The following ZNF804A variants were observed in gnomAD, a reference collection of about 807,000 sequenced individuals.
The protein encoded by ZNF804A is zinc finger protein 804A.
In ZNF804A, 2 loss-of-function variants were observed where a neutral mutation model predicts 16.5. That is an observed-to-expected ratio of 0.12 (90% confidence interval 0.05 to 0.38). The LOEUF (loss-of-function observed/expected upper bound fraction) is 0.38, where lower values mean the gene tolerates loss of function less well. ZNF804A is among the 10% of genes least tolerant of loss of function. ZNF804A has a pLI of 0.99. For synonymous variants in ZNF804A, 534 were observed against 489.6 expected, an observed-to-expected ratio of 1.09 and a Z score of -1.20; for missense variants, 1,473 against 1,390.7, an observed-to-expected ratio of 1.06 and a Z score of -0.94.
intron 1 of ZNF804A, among the ~76,000 whole-genome samples, chr2:184,741,190 T>G (rs948022046): frequency 1.3e-5 from 2 of 152,178 alleles, no homozygotes; most frequent in African/African-American, 4.8e-5. Context: ...AAAGCAGGTA[T>G]ACTGACAGCT....
chr2:184,779,416 C>G (rs1694340660), intron 1 of ZNF804A, among the ~76,000 whole-genome samples: 1 of 151,742 alleles, frequency 6.6e-6, no homozygotes, highest in African/African-American at 2.4e-5. Flanking sequence ...GGGAAAATGT[C>G]ACCCTATGAT....
chr2:184,797,023 T>G (rs1283649576), intron 1 of ZNF804A, among the ~76,000 whole-genome samples: 1 of 152,164 alleles, frequency 6.6e-6, no homozygotes, highest in East Asian at 1.9e-4. Flanking sequence ...TTTAATTTAT[T>G]GAGGCTTGTT....
chr2:184,882,847 T>C (rs937614615), intron 2 of ZNF804A, among the ~76,000 whole-genome samples: 4 of 151,978 alleles, frequency 2.6e-5, no homozygotes, highest in Non-Finnish European at 4.4e-5. Flanking sequence ...AGATCTCAAA[T>C]TAGCAACCTA....
chr2:184,772,909 CA>C (rs1200089838), intron 1 of ZNF804A, among the ~76,000 whole-genome samples: 1 of 149,056 alleles, frequency 6.7e-6, no homozygotes, highest in East Asian at 2.0e-4. Flanking sequence ...TACATACACA[CA>C]CACACACACA....
chr2:184,680,355 T>C (rs1692519279), intron 1 of ZNF804A, among the ~76,000 whole-genome samples: 1 of 151,818 alleles, frequency 6.6e-6, no homozygotes, highest in South Asian at 2.1e-4. Context: ...TGAACAGATG[T>C]CGGGAGGTCT....
intron 1 of ZNF804A, among the ~76,000 whole-genome samples, chr2:184,851,330 C>G (rs1320056252): frequency 6.6e-6 from 1 of 151,762 alleles, no homozygotes; most frequent in Non-Finnish European, 1.5e-5. Context: ...ACGAACATCT[C>G]TCCATACCCT....
chr2:184,802,148 G>A (rs1478869744), intron 1 of ZNF804A, among the ~76,000 whole-genome samples: 1 of 152,132 alleles, frequency 6.6e-6, no homozygotes, highest in African/African-American at 2.4e-5. Context: ...AGAATCCTGT[G>A]ATTAAATCTT....
intron 1 of ZNF804A, among the ~76,000 whole-genome samples, chr2:184,857,837 A>C (rs1257295421): frequency 6.6e-6 from 1 of 151,966 alleles, no homozygotes; most frequent in African/African-American, 2.4e-5. Context: ...TTCAGCCTCT[A>C]TGTGTCTTTA....
chr2:184,797,204 G>T (rs1410100084), intron 1 of ZNF804A, among the ~76,000 whole-genome samples: 2 of 152,110 alleles, frequency 1.3e-5, no homozygotes, highest in Admixed American at 6.6e-5. Context: ...TTCATGACCT[G>T]CCTAGTGCCA....
intron 1 of ZNF804A, among the ~76,000 whole-genome samples, chr2:184,861,753 C>T (rs1273123684): frequency 6.6e-6 from 1 of 152,148 alleles, no homozygotes; most frequent in Non-Finnish European, 1.5e-5. Flanking sequence ...CTTCAAAGTT[C>T]TACTTTGGTG....
intron 1 of ZNF804A, among the ~76,000 whole-genome samples, chr2:184,658,161 A>G (rs766536625): frequency 1.6e-4 from 25 of 152,196 alleles, no homozygotes; most frequent in Non-Finnish European, 2.6e-4. Context: ...TAGTAAGAAT[A>G]ATGAAAGTAC....
At chr2:184,757,847 G>C (rs1342540500) in intron 1 of ZNF804A, among the ~76,000 whole-genome samples, 1 of 152,108 alleles carries the variant, frequency 6.6e-6, no homozygotes, top group Admixed American at 6.6e-5. Context: ...GAAAGACTTA[G>C]CTGATCCCTC....
intron 2 of ZNF804A, among the ~76,000 whole-genome samples, chr2:184,877,114 T>A (rs1318699781): frequency 6.6e-6 from 1 of 152,132 alleles, no homozygotes; most frequent in African/African-American, 2.4e-5. Flanking sequence ...ATTTTTCTTA[T>A]AGTTTACATG....
intron 1 of ZNF804A, among the ~76,000 whole-genome samples, chr2:184,751,216 T>A (rs183393216): frequency 4.3e-4 from 65 of 151,626 alleles, no homozygotes; most frequent in Non-Finnish European, 8.4e-4. Context: ...CTGGTTCATA[T>A]GGTTGTTCTA....
At chr2:184,629,121 G>A (rs1217228788) in intron 1 of ZNF804A, among the ~76,000 whole-genome samples, 7 of 152,028 alleles carry the variant, frequency 4.6e-5, no homozygotes, top group Admixed American at 4.6e-4. Context: ...TGAATTCCAT[G>A]TCTTGTTCTT....
intron 1 of ZNF804A, among the ~76,000 whole-genome samples, chr2:184,695,465 T>TTAAAA (rs1188268647): frequency 7.7e-5 from 4 of 51,854 alleles, no homozygotes; most frequent in African/African-American, 3.8e-4. Flanking sequence ...ACTCCGTCAT[T>TTAAAA]AAAAAAAAAA....
At chr2:184,896,794 G>A (rs7608238) in intron 2 of ZNF804A, among the ~76,000 whole-genome samples, 1,547 of 144,262 alleles carry the variant, frequency 0.011, 24 homozygotes, top group African/African-American at 0.036. Context: ...TAGATACATC[G>A]AAATTCAACA....
chr2:184,679,298 G>A (rs941027883), intron 1 of ZNF804A, among the ~76,000 whole-genome samples: 1 of 152,216 alleles, frequency 6.6e-6, no homozygotes, highest in East Asian at 1.9e-4. Flanking sequence ...AATAGACAAG[G>A]TAGATGGGTC....
In ZNF804A at chr2:184,607,936, C is replaced by CTTTTTTTTTTTT. The variant is rs34262998; in HGVS notation, c.111+8882_111+8893dup. Among the ~76,000 whole-genome samples, 5 of 65,654 alleles carry CTTTTTTTTTTTT rather than the reference C, an allele frequency of 7.6e-5. 2 individuals are homozygous for CTTTTTTTTTTTT. The highest frequency in any genetic ancestry group is 9.7e-4 in the East Asian group (2 of 2,066). 43.1% of individuals were successfully genotyped at this position (65,654 alleles called of 152,430 possible). On this transcript the variant is annotated intron_variant, in intron 1 of 3. Coordinates refer to ENST00000302277, the MANE Select transcript of ZNF804A (RefSeq NM_194250.2). ...CACCATGGAGAACCTTGATGCATCT[C>CTTTTTTTTTTTT]TTTTTTTTTTTTTTTTTTTTTTTTT... is the stretch of plus-strand genomic sequence containing the variant.
Sources: allele counts gnomAD v4.1 joint callset (sites outside exome capture counted in the v4.1 genomes callset), GRCh38; gene constraint gnomAD v4.1.1; transcripts MANE v1.5; gene names NCBI Gene and HGNC (gene_info 2026-07-23, HGNC 2026-07-21).